The following CCDC85A variants were observed in gnomAD, a reference collection of about 807,000 sequenced individuals.
The protein encoded by CCDC85A is coiled-coil domain-containing protein 85A.
CCDC85A carries 38 observed loss-of-function variants against 50.2 expected under a neutral mutation model. The ratio of observed to expected loss-of-function variants is 0.76; its 90% CI spans 0.58 to 0.99. The LOEUF is 0.99. Among genes scored for constraint, CCDC85A ranks in the 50% least tolerant of loss-of-function variants. CCDC85A has a pLI of 0.00. For synonymous variants in CCDC85A, 366 were observed against 301.4 expected (o/e 1.21, Z -2.22); for missense variants, 820 against 742.0 (o/e 1.11, Z -1.22).
chr2:56,306,853 C>T (rs1021774286), intron 2 of CCDC85A, among the ~76,000 whole-genome samples: 1 of 152,054 alleles, frequency 6.6e-6, no homozygotes, highest in Non-Finnish European at 1.5e-5. Flanking sequence ...TAGGATACTG[C>T]CAGACTTGAT....
intron 2 of CCDC85A, among the ~76,000 whole-genome samples, chr2:56,290,005 T>C (rs1671630632): frequency 1.3e-5 from 2 of 152,180 alleles, no homozygotes; most frequent in African/African-American, 4.8e-5. Context: ...GTGATTGTCC[T>C]GGTTCAAGCC....
At chr2:56,384,178 G>A (rs190259314) in intron 5 of CCDC85A, 88 bp from the exon 6 acceptor site, 23 of 1,126,506 alleles carry the variant, frequency 2.0e-5, no homozygotes, top group Middle Eastern at 2.0e-4. Context: ...CTTCATCTTC[G>A]CTCCTCTCTT....
At chr2:56,230,974 C>T (rs1668749324) in intron 2 of CCDC85A, among the ~76,000 whole-genome samples, 1 of 152,174 alleles carries the variant, frequency 6.6e-6, no homozygotes, top group Non-Finnish European at 1.5e-5. Flanking sequence ...GTATGATCCA[C>T]ATATGCTGTG....
At chr2:56,230,473 G>A (rs17047642) in intron 2 of CCDC85A, among the ~76,000 whole-genome samples, 25,585 of 152,056 alleles carry the variant, frequency 0.17, 2,604 homozygotes, top group African/African-American at 0.28. Context: ...CCTGCTATTA[G>A]AAATATTGCT....
rs1428106529 is a variant in CCDC85A at position 56,192,592 on chromosome 2, G to A, written c.392G>A (p.Arg131His). 3.7e-6 allele frequency: 6 copies of A among 1,613,786 alleles called. No homozygotes were observed. The highest frequency in any genetic ancestry group is 3.3e-5 in the Admixed American group (2 of 59,998). Residue 131 changes from arginine to histidine, a missense_variant, in exon 2 of 6, where the codon CGC (arginine) becomes CAC (histidine). Physicochemically the swap from Arg to His is conservative, Grantham distance 29. Transcript: ENST00000407595. The surrounding 1 kb of genome is among the most constrained non-coding windows in gnomAD (Gnocchi z 4.7). ...TCTCGGGAGTGGCAGAGACTGGGTC[G>A]CTACACTGCCGGGGTGATGCACAAG... Reference protein sequence around the residue: ...RVSREWQRLGRYTAGVMHKEV... With the variant: ...RVSREWQRLGHYTAGVMHKEV...
At chr2:56,245,535 G>T (rs1187175417) in intron 2 of CCDC85A, among the ~76,000 whole-genome samples, 1 of 152,150 alleles carries the variant, frequency 6.6e-6, no homozygotes, top group Non-Finnish European at 1.5e-5. Flanking sequence ...CCTGATTTTT[G>T]GTTCTTATGA....
chr2:56,384,435 C>A lies in CCDC85A; in HGVS notation c.*80C>A. The A allele has an allele frequency of 8.1e-7, 1 of 1,234,606 alleles. No homozygotes were observed. Among genetic ancestry groups the A allele is most frequent in the South Asian group, 1.2e-5 (1 of 81,910 alleles). The allele number at this position is 1,234,606 out of a possible 1,614,324, so 76.5% of individuals were successfully genotyped here. On this transcript the variant is annotated 3_prime_UTR_variant, in exon 6 of 6. Transcript: ENST00000407595. ...AGAAGAAAAAGGAAAGAGTGGGTTT[C>A]CACAAACCTGGACTCATGGAATAAC...
chr2:56,196,702 T>G (rs2103837555), intron 2 of CCDC85A, among the ~76,000 whole-genome samples: 1 of 152,300 alleles, frequency 6.6e-6, no homozygotes, highest in South Asian at 2.1e-4. Flanking sequence ...ACAAAGAAGA[T>G]TCTGATGATC....
chr2:56,357,589 A>G (rs1426595103), intron 3 of CCDC85A, among the ~76,000 whole-genome samples: 1 of 149,480 alleles, frequency 6.7e-6, no homozygotes, highest in Admixed American at 6.7e-5. Context: ...GTGTGTGTTC[A>G]GTATCTTAAG....
intron 2 of CCDC85A, among the ~76,000 whole-genome samples, chr2:56,277,415 T>A (rs1300102188): frequency 1.1e-4 from 16 of 141,194 alleles, no homozygotes; most frequent in Admixed American, 1.0e-3. Flanking sequence ...TCCACAGAGA[T>A]CCTGCATGGA....
At chr2:56,344,745 C>T (rs911189832) in intron 3 of CCDC85A, among the ~76,000 whole-genome samples, 3 of 152,040 alleles carry the variant, frequency 2.0e-5, no homozygotes, top group East Asian at 1.9e-4. Flanking sequence ...TAACTTCTTA[C>T]TTGTTACAAA....
At chr2:56,199,971 C>T (rs1388268412) in intron 2 of CCDC85A, among the ~76,000 whole-genome samples, 1 of 152,350 alleles carries the variant, frequency 6.6e-6, no homozygotes, top group Admixed American at 6.5e-5. Flanking sequence ...CTGGTTCAAA[C>T]GATTCTCCTG....
chr2:56,293,666 A>G (rs1384468074), intron 2 of CCDC85A, among the ~76,000 whole-genome samples: 2 of 152,236 alleles, frequency 1.3e-5, no homozygotes, highest in Non-Finnish European at 2.9e-5. Context: ...ACACTTCTCA[A>G]AAGAAGACAT....
At chr2:56,242,210 C>G in intron 2 of CCDC85A, among the ~76,000 whole-genome samples, 1 of 151,944 alleles carries the variant, frequency 6.6e-6, no homozygotes, top group Non-Finnish European at 1.5e-5. Context: ...GTTTGAGCTC[C>G]TTATATAGTC....
rs115929191 is a variant in CCDC85A at position 56,281,301 on chromosome 2, A to G, written c.1241-61578A>G. 7.5e-3 allele frequency among the ~76,000 whole-genome samples: 1,135 copies of G among 152,198 alleles called. 13 individuals carry two copies. Among genetic ancestry groups the G allele is most frequent in the African/African-American group, 0.026 (1,069 of 41,522 alleles). On this transcript the variant is annotated intron_variant, in intron 2 of 5. Transcript: ENST00000407595. Reference sequence around the variant, plus strand: ...TTTTAAAAAATATTTTTTCTATTCAAATGTGTACCAATTTGTTTATATACG... The same window carrying G: ...TTTTAAAAAATATTTTTTCTATTCAGATGTGTACCAATTTGTTTATATACG...
At chr2:56,344,373 T>A (rs6760269) in intron 3 of CCDC85A, among the ~76,000 whole-genome samples, 46,039 of 151,984 alleles carry the variant, frequency 0.3, 8,875 homozygotes, top group African/African-American at 0.54. Context: ...ACAGCATGGA[T>A]TCATCCCAGG....
chr2:56,184,990 C>A lies in CCDC85A; in HGVS notation c.276+90C>A, dbSNP rs549095871. 23 of 1,382,196 alleles carry A rather than the reference C, an allele frequency of 1.7e-5. No individual in the cohort carries two copies. The East Asian group carries it at 5.4e-4, about 32-fold the overall frequency. 85.6% of individuals were successfully genotyped at this position (1,382,196 alleles called of 1,614,324 possible). Reference sequence around the variant, plus strand: ...GGGCCAGGCAAACTTTCCCTCCCTCCCTCAACAGGTGACCCTCCCCTTCTC... The same window carrying A: ...GGGCCAGGCAAACTTTCCCTCCCTCACTCAACAGGTGACCCTCCCCTTCTC... On this transcript the variant is annotated intron_variant, in intron 1 of 5. Coordinates refer to ENST00000407595, the MANE Select transcript of CCDC85A (RefSeq NM_001080433.2).
At chr2:56,277,999 T>G (rs1671036091) in intron 2 of CCDC85A, among the ~76,000 whole-genome samples, 1 of 152,156 alleles carries the variant, frequency 6.6e-6, no homozygotes, top group Non-Finnish European at 1.5e-5. Context: ...GGTGAGCATG[T>G]GTGAACATGG....
chr2:56,318,012 T>G (rs1254939307), intron 2 of CCDC85A, among the ~76,000 whole-genome samples: 1 of 152,114 alleles, frequency 6.6e-6, no homozygotes. Flanking sequence ...TTTTAGCATT[T>G]TTGTGTAGTC....
Sources: gnomAD v4.1 joint callset for allele counts (sites outside exome capture counted in the v4.1 genomes callset) on GRCh38, gnomAD v4.1.1 for gene constraint, Gnocchi (gnomAD v3.1) non-coding constraint, MANE v1.5 for transcripts, NCBI Gene and HGNC (gene_info 2026-07-23, HGNC 2026-07-21) for gene names.